The following SHANK2 variants were observed in gnomAD, a reference collection of about 807,000 sequenced individuals.
SHANK2 encodes the protein SH3 and multiple ankyrin repeat domains 2.
In SHANK2, 43 loss-of-function variants were observed where a neutral mutation model predicts 133.7. The observed-to-expected ratio is 0.32, with a 90% CI of 0.25 to 0.41. The LOEUF (loss-of-function observed/expected upper bound fraction) is 0.41, where lower values mean the gene tolerates loss of function less well. Among genes scored for constraint, SHANK2 ranks in the 10% least tolerant of loss-of-function variants. SHANK2 has a pLI of 1.00. For missense variants in SHANK2, 1,994 were observed against 2,235.8 expected (o/e 0.89, Z 2.18); for synonymous variants, 1,017 against 952.8 (o/e 1.07, Z -1.24).
chr11:70,796,299 C>A (rs1018171985), intron 14 of SHANK2, among the ~76,000 whole-genome samples: 1 of 152,202 alleles, frequency 6.6e-6, no homozygotes, highest in Non-Finnish European at 1.5e-5. Context: ...CTGGAAGCCG[C>A]TACTCTCTGG....
At chr11:70,516,180 C>T (rs533231837) in intron 17 of SHANK2, among the ~76,000 whole-genome samples, 3 of 152,152 alleles carry the variant, frequency 2.0e-5, no homozygotes, top group African/African-American at 2.4e-5. Flanking sequence ...AACACAATAT[C>T]GAAGGAGGAC....
At chr11:70,551,021 G>C (rs2059760073) in intron 17 of SHANK2, among the ~76,000 whole-genome samples, 1 of 152,198 alleles carries the variant, frequency 6.6e-6, no homozygotes, top group African/African-American at 2.4e-5. Context: ...GCCCCTGAGG[G>C]CCAAGCGGGG....
In SHANK2 at chr11:70,659,855, T is replaced by C. The variant is rs373832368; in HGVS notation, c.2034A>G (p.Gly678=). Residue 678 remains glycine, a synonymous_variant, in exon 17 of 26, where the codon GGA becomes GGG. Coordinates refer to ENST00000601538, the MANE Select transcript of SHANK2 (RefSeq NM_012309.5). The stretch of plus-strand genomic sequence containing the variant: ...CAATCAAGAAGTCCCCGGTCCTTAG[T>C]CCGGCTTGCCACGCCACCCCACCTT... ...VDEGGVAWQA[G]LRTGDFLIEV... is the part of the protein sequence containing the mutation. The C allele has an allele frequency of 3.0e-5, 48 of 1,614,022 alleles. No individual in the cohort carries two copies. Among genetic ancestry groups the C allele is most frequent in the Non-Finnish European group, 3.8e-5 (45 of 1,180,030 alleles).
At chr11:71,068,553 C>T (rs1237720354) in intron 9 of SHANK2, among the ~76,000 whole-genome samples, 3 of 152,208 alleles carry the variant, frequency 2.0e-5, no homozygotes, top group Non-Finnish European at 2.9e-5. Flanking sequence ...CATTAGATGC[C>T]ATAGTGACTT....
chr11:70,814,624 C>T (rs1480351819), intron 12 of SHANK2, among the ~76,000 whole-genome samples: 1 of 152,260 alleles, frequency 6.6e-6, no homozygotes, highest in African/African-American at 2.4e-5. Flanking sequence ...GGGCCAAAGA[C>T]GGGCTTCCCA....
intron 11 of SHANK2, among the ~76,000 whole-genome samples, chr11:70,845,198 C>CAAAAAAA (rs782471301): frequency 7.5e-4 from 38 of 50,838 alleles, no homozygotes; most frequent in South Asian, 8.9e-4. Context: ...GACTCTGTCT[C>CAAAAAAA]AAAAAAAAAA....
At chr11:70,686,229 TCCACCCACCCACCCAC>T (rs1194509014) in intron 15 of SHANK2, among the ~76,000 whole-genome samples, 2 of 82,944 alleles carry the variant, frequency 2.4e-5, no homozygotes, top group Admixed American at 1.2e-4. Flanking sequence ...CATCCATCCA[TCCACCCACCCACCCAC>T]CCACCCATCC....
At chr11:70,869,765 G>A (rs1190852079) in intron 11 of SHANK2, among the ~76,000 whole-genome samples, 6 of 152,196 alleles carry the variant, frequency 3.9e-5, no homozygotes, top group South Asian at 2.1e-4. Context: ...GGGGCTCGAC[G>A]GGGAGTCCAT....
chr11:71,131,595 G>A (rs1952309062), intron 3 of SHANK2, among the ~76,000 whole-genome samples: 1 of 152,170 alleles, frequency 6.6e-6, no homozygotes, highest in Non-Finnish European at 1.5e-5. Flanking sequence ...GGGAGACACT[G>A]CTTGGTTCTG....
At chr11:70,927,200 CTATT>C (rs2135784952) in intron 10 of SHANK2, among the ~76,000 whole-genome samples, 1 of 152,224 alleles carries the variant, frequency 6.6e-6, no homozygotes, top group African/African-American at 2.4e-5. Flanking sequence ...TTCTTTGTAG[CTATT>C]TTATAAACAA....
chr11:70,835,010 G>A (rs1421947250), intron 11 of SHANK2, among the ~76,000 whole-genome samples: 2 of 152,176 alleles, frequency 1.3e-5, no homozygotes, highest in Non-Finnish European at 2.9e-5. Context: ...GCGGGGAGGA[G>A]CTCTGGAGGG....
chr11:70,931,749 C>T (rs1301828668), intron 10 of SHANK2, among the ~76,000 whole-genome samples: 1 of 152,218 alleles, frequency 6.6e-6, no homozygotes, highest in Non-Finnish European at 1.5e-5. Flanking sequence ...TGGCGCCAAG[C>T]GTCTATCACA....
intron 2 of SHANK2, among the ~76,000 whole-genome samples, chr11:71,217,504 A>G (rs1313582306): frequency 3.6e-5 from 5 of 140,524 alleles, no homozygotes; most frequent in Middle Eastern, 3.6e-3. Context: ...ACTCCGTCTC[A>G]AAAAAAAAAA....
At chr11:71,092,682 C>A in intron 7 of SHANK2, 93 bp from the exon 8 acceptor site, 1 of 1,338,056 alleles carries the variant, frequency 7.5e-7, no homozygotes, top group Non-Finnish European at 1.0e-6. Context: ...GACCACCCTC[C>A]CCCAGGTCAA....
intron 17 of SHANK2, among the ~76,000 whole-genome samples, chr11:70,579,219 G>A (rs79754684): frequency 0.028 from 4,254 of 152,320 alleles, 97 homozygotes; most frequent in East Asian, 0.097. Context: ...TGTGCTGGGC[G>A]TGGGGCATCA....
chr11:70,874,872 CAG>C (rs1565376234), intron 11 of SHANK2, among the ~76,000 whole-genome samples: 1 of 152,088 alleles, frequency 6.6e-6, no homozygotes, highest in Non-Finnish European at 1.5e-5. Flanking sequence ...ATGGTGATCA[CAG>C]GGCATGGAGA....
intron 11 of SHANK2, among the ~76,000 whole-genome samples, chr11:70,821,584 C>T (rs1274574176): frequency 6.6e-6 from 1 of 152,104 alleles, no homozygotes; most frequent in Non-Finnish European, 1.5e-5. Context: ...CGCCACCACG[C>T]CTGCTAATTT....
Position 70,569,208 on chromosome 11 carries a change from G to A in SHANK2, c.2062-66277C>T, listed in dbSNP as rs553675285. On this transcript the variant is annotated intron_variant, in intron 17 of 25. Coordinates refer to ENST00000601538, the MANE Select transcript of SHANK2 (RefSeq NM_012309.5). The surrounding 1 kb of genome is among the most constrained non-coding windows in gnomAD (Gnocchi z 5.1). Reference sequence around the variant, plus strand: ...CTCAGGGCCAATCGGACTGAGGACAGTCCCAAACCCCCGGGCCATCCCGAG... The same window carrying A: ...CTCAGGGCCAATCGGACTGAGGACAATCCCAAACCCCCGGGCCATCCCGAG... 1.2e-4 allele frequency among the ~76,000 whole-genome samples: 18 copies of A among 152,320 alleles called. No homozygotes were observed. The highest frequency in any genetic ancestry group is 4.3e-4 in the African/African-American group (18 of 41,576).
intron 14 of SHANK2, among the ~76,000 whole-genome samples, chr11:70,795,368 A>G (rs1947883499): frequency 6.7e-6 from 1 of 149,830 alleles, no homozygotes; most frequent in Admixed American, 6.7e-5. Context: ...ATCTAATCAC[A>G]TGGGTTCTTT....
Sources: gnomAD v4.1 joint callset for allele counts (sites outside exome capture counted in the v4.1 genomes callset) on GRCh38, gnomAD v4.1.1 for gene constraint, Gnocchi (gnomAD v3.1) non-coding constraint, MANE v1.5 for transcripts, NCBI Gene and HGNC (gene_info 2026-07-23, HGNC 2026-07-21) for gene names.